LRRC28: variants seen among roughly 807,000 people sequenced by gnomAD.
LRRC28 encodes the protein leucine-rich repeat-containing protein 28.
Under a neutral mutation model 45.7 loss-of-function variants are expected in LRRC28, and 39 were observed. That is an observed-to-expected ratio of 0.85 (90% confidence interval 0.66 to 1.12). The LOEUF (loss-of-function observed/expected upper bound fraction) is 1.12, where lower values mean the gene tolerates loss of function less well. LRRC28 is among the 50% of genes most tolerant of loss of function. The pLI is 0.00. For synonymous variants in LRRC28, 206 were observed against 178.8 expected (o/e 1.15, Z -1.22); for missense variants, 435 against 438.5 (o/e 0.99, Z 0.07).
At chr15:99,348,588 CTCTGT>C (rs1195609616) in intron 6 of LRRC28, among the ~76,000 whole-genome samples, 5 of 152,074 alleles carry the variant, frequency 3.3e-5, no homozygotes, top group Non-Finnish European at 7.4e-5. Flanking sequence ...TTTCTGGACT[CTCTGT>C]TCTGTTCCAT....
intron 2 of LRRC28, among the ~76,000 whole-genome samples, chr15:99,265,843 A>G (rs2081318749): frequency 6.6e-6 from 1 of 152,224 alleles, no homozygotes; most frequent in Admixed American, 6.5e-5. Flanking sequence ...AGGAAAACAT[A>G]AAATCTCAAC....
intron 5 of LRRC28, among the ~76,000 whole-genome samples, chr15:99,299,450 T>A (rs1364135965): frequency 1.3e-5 from 2 of 152,182 alleles, no homozygotes; most frequent in Non-Finnish European, 2.9e-5. Flanking sequence ...TAGGTACACA[T>A]AATATAGATA....
intron 7 of LRRC28, among the ~76,000 whole-genome samples, chr15:99,356,662 T>A (rs959193588): frequency 9.2e-5 from 14 of 152,178 alleles, no homozygotes; most frequent in African/African-American, 3.4e-4. Flanking sequence ...TGTTTAAAAA[T>A]TTCCCAAATT....
intron 2 of LRRC28, chr15:99,258,596 T>A: frequency 2.7e-6 from 2 of 753,802 alleles, no homozygotes; most frequent in South Asian, 1.4e-5. Flanking sequence ...CTAAAAAAGT[T>A]GAAAAAACTG....
At position 99,258,127 on chromosome 15, in the gene LRRC28, T is replaced by G. The variant is rs1401899558; in HGVS notation, c.168+2002T>G. On this transcript the variant is annotated intron_variant, in intron 2 of 9. Transcript: ENST00000301981. ...AAAACCTTGGTACCATAGCCAAATC[T>G]TGAACAAACGAGTTTTTAAACAAAA... The G allele has an allele frequency of 3.7e-6, 6 of 1,607,252 alleles. No individual in the cohort carries two copies. In the African/African-American group the frequency reaches 8.0e-5, roughly 21 times the overall value.
intron 1 of LRRC28, 140 bp from the exon 2 acceptor site, chr15:99,255,758 A>G: frequency 2.3e-6 from 1 of 441,446 alleles, no homozygotes; most frequent in Non-Finnish European, 3.9e-6. Context: ...TGACAGTTTT[A>G]GTTTTGAAAG....
At chr15:99,371,920 G>A (rs1344396223) in intron 9 of LRRC28, among the ~76,000 whole-genome samples, 2 of 152,156 alleles carry the variant, frequency 1.3e-5, no homozygotes, top group African/African-American at 4.8e-5. Context: ...CTAGGGCAAT[G>A]ACACAATCAA....
At chr15:99,285,580 G>A (rs562875993) in intron 3 of LRRC28, 16 of 743,696 alleles carry the variant, frequency 2.2e-5, no homozygotes, top group African/African-American at 7.0e-5. Flanking sequence ...TAGACTTGAC[G>A]GCAGGGGGAG....
intron 9 of LRRC28, among the ~76,000 whole-genome samples, chr15:99,369,617 C>T (rs922869231): frequency 5.9e-5 from 9 of 152,168 alleles, no homozygotes; most frequent in African/African-American, 2.2e-4. Flanking sequence ...ATGAGGCCCA[C>T]CCACACTATG....
intron 9 of LRRC28, among the ~76,000 whole-genome samples, chr15:99,366,614 A>G (rs1957347211): frequency 6.6e-6 from 1 of 152,132 alleles, no homozygotes; most frequent in African/African-American, 2.4e-5. Flanking sequence ...GTCTCCTTAC[A>G]TGGCAGAGAA....
At chr15:99,281,568 G>A (rs770686236) in intron 3 of LRRC28, among the ~76,000 whole-genome samples, 1 of 151,946 alleles carries the variant, frequency 6.6e-6, no homozygotes, top group Non-Finnish European at 1.5e-5. Flanking sequence ...TGTCATACTG[G>A]TTCTATTTGT....
Position 99,387,096 on chromosome 15 carries a change from T to G in LRRC28, c.*994T>G, listed in dbSNP as rs35240194. On this transcript the variant is annotated 3_prime_UTR_variant, in exon 10 of 10. Coordinates refer to ENST00000301981, the MANE Select transcript of LRRC28 (RefSeq NM_144598.5). ...TTGTTGTTGAGACGGAGTCTCGCTC[T>G]GTCGCCCAGGCTGGAGTGCAGTGGC... 3 of 150,216 alleles carry G rather than the reference T, an allele frequency of 2.0e-5. No individual in the cohort carries two copies. In the East Asian group the frequency reaches 5.9e-4, roughly 29 times the overall value. The allele number at this position is 150,216 out of a possible 1,614,324, so 9.3% of individuals were successfully genotyped here.
intron 9 of LRRC28, among the ~76,000 whole-genome samples, chr15:99,370,278 G>A (rs1957446928): frequency 6.6e-6 from 1 of 152,118 alleles, no homozygotes; most frequent in Non-Finnish European, 1.5e-5. Flanking sequence ...TAAATAATGA[G>A]TTTAAATATA....
chr15:99,283,428 A>G (rs879573231), intron 3 of LRRC28, among the ~76,000 whole-genome samples: 8 of 150,286 alleles, frequency 5.3e-5, no homozygotes, highest in Non-Finnish European at 5.9e-5. Context: ...CTGGACCAAC[A>G]TGCTGAAACC....
chr15:99,266,615 AT>A (rs2081339814), intron 2 of LRRC28, among the ~76,000 whole-genome samples: 3 of 152,330 alleles, frequency 2.0e-5, no homozygotes, highest in African/African-American at 7.2e-5. Context: ...AACTACATGG[AT>A]ATGTGTTTGA....
At chr15:99,256,976 T>G (rs1312621966) in intron 2 of LRRC28, among the ~76,000 whole-genome samples, 1 of 152,228 alleles carries the variant, frequency 6.6e-6, no homozygotes, top group Non-Finnish European at 1.5e-5. Flanking sequence ...ATCTTACTAC[T>G]TTGTGAATTT....
intron 2 of LRRC28, chr15:99,259,879 A>G: frequency 1.3e-6 from 1 of 767,570 alleles, no homozygotes; most frequent in Non-Finnish European, 2.4e-6. Context: ...ATCCTGATGC[A>G]AAGGTGGAAG....
intron 7 of LRRC28, among the ~76,000 whole-genome samples, chr15:99,357,726 A>C (rs949216568): frequency 2.0e-5 from 3 of 152,176 alleles, no homozygotes; most frequent in Admixed American, 2.0e-4. Context: ...TTTAAAGTTT[A>C]CCTTAAAATA....
chr15:99,377,666 A>G (rs535493371), intron 9 of LRRC28, among the ~76,000 whole-genome samples: 205 of 152,114 alleles, frequency 1.3e-3, no homozygotes, highest in African/African-American at 4.0e-3. Flanking sequence ...TAGGGTTTTT[A>G]TGGTTTTAGG....
Sources: allele counts gnomAD v4.1 joint callset (sites outside exome capture counted in the v4.1 genomes callset), GRCh38; gene constraint gnomAD v4.1.1; transcripts MANE v1.5; gene names NCBI Gene and HGNC (gene_info 2026-07-23, HGNC 2026-07-21).